The following TMEM164 variants were observed in gnomAD, a reference collection of about 807,000 sequenced individuals.
TMEM164 encodes transmembrane protein 164, also known as RP13-360B22.2.
A neutral mutation model predicts 18.8 loss-of-function variants in TMEM164; 4 were observed. The observed-to-expected ratio is 0.21, with a 90% CI of 0.10 to 0.49. TMEM164 has a LOEUF of 0.49. TMEM164 is among the 20% of genes least tolerant of loss of function. TMEM164 has a pLI of 0.98. For missense variants in TMEM164, 108 were observed against 239.9 expected, an observed-to-expected ratio of 0.45 and a Z score of 3.63; for synonymous variants, 86 against 101.7, an observed-to-expected ratio of 0.85 and a Z score of 0.93.
intron 5 of TMEM164, among the ~76,000 whole-genome samples, chrX:110,160,716 A>T (rs16985945): frequency 6.3e-5 from 7 of 111,123 alleles, no homozygotes; most frequent in African/African-American, 2.3e-4. Context: ...CTTGACACCC[A>T]GTAATAAGGT....
At chrX:110,089,697 G>T (rs2065898615) in intron 3 of TMEM164, among the ~76,000 whole-genome samples, 1 of 111,897 alleles carries the variant, frequency 8.9e-6, no homozygotes, top group Admixed American at 9.6e-5. Context: ...GTTTTGAAGG[G>T]ATCTTGAATA....
At position 110,003,489 on chromosome X, in the gene TMEM164, C is replaced by A; in HGVS notation, c.-274-12C>A. On this transcript the variant is annotated splice_polypyrimidine_tract_variant and intron_variant, in intron 1 of 6. Coordinates refer to ENST00000372068, the MANE Select transcript of TMEM164 (RefSeq NM_032227.4). ...GACCTCTTTTTTTTTTTTTTCCTCT[C>A]CTTCCTTTTAGATTGGCCAACGGCT... 1 of 253,944 alleles carries A rather than the reference C, an allele frequency of 3.9e-6. No homozygotes were observed. The highest frequency in any genetic ancestry group is 7.0e-6 in the Non-Finnish European group (1 of 143,685). The allele number at this position is 253,944 out of a possible 1,213,427, so 20.9% of individuals were successfully genotyped here.
In TMEM164 at chrX:110,057,019, C is replaced by CGT. The variant is rs746781728; in HGVS notation, c.391-10315_391-10314dup. On this transcript the variant is annotated intron_variant, in intron 2 of 6. Transcript: ENST00000372068. ...TAGAGTTATCATTTATGTGTGTATG[C>CGT]GTGTGTGTGTGTGTTGGAAATACTT... is the stretch of plus-strand genomic sequence containing the variant. 6.4e-5 allele frequency among the ~76,000 whole-genome samples: 7 copies of CGT among 109,266 alleles called. 1 individual carries two copies. The highest frequency in any genetic ancestry group is 2.8e-4 in the East Asian group (1 of 3,526). The allele number at this position is 109,266 out of a possible 115,157, so 94.9% of individuals were successfully genotyped here. A position where few individuals can be genotyped will look rare whatever the true frequency, so the allele number is the denominator to read the frequency against.
chrX:110,155,985 G>T, intron 5 of TMEM164, among the ~76,000 whole-genome samples: 1 of 111,815 alleles, frequency 8.9e-6, no homozygotes, highest in Middle Eastern at 4.6e-3. Flanking sequence ...GCTCACTGCA[G>T]CCTGGATCTC....
intron 4 of TMEM164, among the ~76,000 whole-genome samples, chrX:110,126,351 C>T (rs2066527919): frequency 1.8e-5 from 2 of 112,431 alleles, no homozygotes; most frequent in South Asian, 3.7e-4. Context: ...GAACACCCAC[C>T]TCTGGACTCA....
At chrX:110,044,593 C>CTTTTT (rs56400284) in intron 2 of TMEM164, among the ~76,000 whole-genome samples, 4 of 35,956 alleles carry the variant, frequency 1.1e-4, no homozygotes, top group East Asian at 1.4e-3. Context: ...CCATTCCTTG[C>CTTTTT]TTTTTTTTTT....
intron 5 of TMEM164, among the ~76,000 whole-genome samples, chrX:110,160,565 GAGA>G (rs1569356614): frequency 8.9e-6 from 1 of 111,762 alleles, no homozygotes; most frequent in Non-Finnish European, 1.9e-5. Flanking sequence ...ACACTGTTCT[GAGA>G]AGGAGTCCTT....
At chrX:110,015,208 G>GT (rs1289733990) in intron 2 of TMEM164, among the ~76,000 whole-genome samples, 1 of 111,502 alleles carries the variant, frequency 9.0e-6, no homozygotes, top group Non-Finnish European at 1.9e-5. Context: ...GCCTTGGGAT[G>GT]TGGGGGGTGT....
At chrX:110,064,757 G>A (rs1182063347) in intron 2 of TMEM164, among the ~76,000 whole-genome samples, 2 of 110,050 alleles carry the variant, frequency 1.8e-5, no homozygotes, top group Admixed American at 2.0e-4. Flanking sequence ...CAGGAGGATT[G>A]CTTGAGGACA....
chrX:110,002,660 G>C (rs1345773808), upstream of TMEM164: 2 of 110,299 alleles, frequency 1.8e-5, no homozygotes, highest in African/African-American at 3.3e-5. Context: ...GGAGGAAGAC[G>C]GGGAGGAGGA....
intron 5 of TMEM164, among the ~76,000 whole-genome samples, chrX:110,157,130 A>G (rs1395032612): frequency 9.0e-6 from 1 of 111,546 alleles, no homozygotes; most frequent in Non-Finnish European, 1.9e-5. Context: ...CAGGGTAACT[A>G]TGTAGGTAGG....
At chrX:110,121,935 G>A (rs780643407) in intron 4 of TMEM164, among the ~76,000 whole-genome samples, 3 of 111,848 alleles carry the variant, frequency 2.7e-5, no homozygotes, top group East Asian at 2.8e-4. Context: ...CTTAGAACTC[G>A]AAGTGTTTCA....
intron 2 of TMEM164, among the ~76,000 whole-genome samples, chrX:110,021,085 A>G (rs1379298331): frequency 1.8e-5 from 2 of 109,040 alleles, no homozygotes; most frequent in African/African-American, 3.3e-5. Context: ...CTCCTGAGTG[A>G]TTAGGGAAAG....
chrX:110,034,174 C>T (rs1350367389), intron 2 of TMEM164, among the ~76,000 whole-genome samples: 1 of 111,916 alleles, frequency 8.9e-6, no homozygotes, highest in Non-Finnish European at 1.9e-5. Context: ...TTAAATTTCA[C>T]CTTCTTATGT....
intron 4 of TMEM164, among the ~76,000 whole-genome samples, chrX:110,130,360 G>A (rs1275471937): frequency 8.9e-6 from 1 of 111,909 alleles, no homozygotes; most frequent in South Asian, 3.7e-4. Flanking sequence ...TGTAAGTTAC[G>A]TTGGGTCAGT....
chrX:110,157,296 T>C (rs1233962347), intron 5 of TMEM164, among the ~76,000 whole-genome samples: 1 of 111,617 alleles, frequency 9.0e-6, no homozygotes, highest in Admixed American at 9.5e-5. Context: ...CCCAAAGTGG[T>C]ATTAGCCAAG....
chrX:110,041,334 C>G (rs1244299262), intron 2 of TMEM164, among the ~76,000 whole-genome samples: 1 of 112,002 alleles, frequency 8.9e-6, no homozygotes, highest in Non-Finnish European at 1.9e-5. Context: ...AGGCACAAGA[C>G]AGTTATACAG....
chrX:110,074,469 C>T (rs1225482603), intron 3 of TMEM164, among the ~76,000 whole-genome samples: 2 of 111,485 alleles, frequency 1.8e-5, no homozygotes, highest in Non-Finnish European at 3.8e-5. Context: ...TTAATTAGGT[C>T]CCACTTGTCA....
chrX:110,163,610 A>G (rs994829814), intron 5 of TMEM164, among the ~76,000 whole-genome samples: 1 of 112,399 alleles, frequency 8.9e-6, no homozygotes, highest in African/African-American at 3.2e-5. Context: ...GGTAGTGGCC[A>G]GATGGGGAAG....
Sources: gnomAD v4.1 joint callset for allele counts (sites outside exome capture counted in the v4.1 genomes callset) on GRCh38, gnomAD v4.1.1 for gene constraint, MANE v1.5 for transcripts, NCBI Gene and HGNC (gene_info 2026-07-23, HGNC 2026-07-21) for gene names.